Variants in PRKCB observed in about 807,000 individuals in gnomAD.
The protein encoded by PRKCB is protein kinase C beta.
PRKCB carries 13 observed loss-of-function variants against 81.5 expected under a neutral mutation model. That is an observed-to-expected ratio of 0.16 (90% CI 0.10 to 0.25). The LOEUF (loss-of-function observed/expected upper bound fraction) is 0.25. PRKCB is among the 10% of genes least tolerant of loss of function. The pLI, the probability that PRKCB is intolerant of heterozygous loss-of-function variation, is 1.00. For synonymous variants in PRKCB, 335 were observed against 321.4 expected (o/e 1.04, Z -0.45); for missense variants, 509 against 875.7 (o/e 0.58, Z 5.29).
intron 16 of PRKCB, among the ~76,000 whole-genome samples, chr16:24,213,499 G>C (rs1968178270): frequency 6.7e-6 from 1 of 149,924 alleles, no homozygotes; most frequent in Admixed American, 6.6e-5. Context: ...CCACTTCATA[G>C]GGCCATTGGG....
At chr16:24,020,983 T>TCTTTCTTTCTTTCTTTCTTC (rs1965355444) in intron 3 of PRKCB, among the ~76,000 whole-genome samples, 1 of 109,702 alleles carries the variant, frequency 9.1e-6, no homozygotes, top group South Asian at 3.2e-4. Flanking sequence ...TCTTTTTCTT[T>TCTTTCTTTCTTTCTTTCTTC]CTTTCTTTCT....
In PRKCB at chr16:24,013,647, T is replaced by G. The variant is rs992220166; in HGVS notation, c.289-18489T>G. On this transcript the variant is annotated intron_variant, in intron 3 of 16. Coordinates refer to ENST00000643927, the MANE Select transcript of PRKCB (RefSeq NM_002738.7). ...GATCTGTAAATCCCTGAAGGTGGGGTTGGCATCCGTTGTTTGATCACTCCA... is the reference window on the plus strand; with the variant it reads ...GATCTGTAAATCCCTGAAGGTGGGGGTGGCATCCGTTGTTTGATCACTCCA... 3.3e-5 allele frequency among the ~76,000 whole-genome samples: 5 copies of G among 152,252 alleles called. No individual in the cohort carries two copies. In the South Asian group the frequency reaches 1.0e-3, roughly 32 times the overall value.
At chr16:23,853,664 C>T (rs1337384457) in intron 2 of PRKCB, among the ~76,000 whole-genome samples, 8 of 152,190 alleles carry the variant, frequency 5.3e-5, no homozygotes, top group East Asian at 1.9e-4. Context: ...AAACTCTGGA[C>T]GTCTTTATCT....
chr16:23,968,403 A>G (rs1367529206), intron 2 of PRKCB, among the ~76,000 whole-genome samples: 2 of 152,202 alleles, frequency 1.3e-5, no homozygotes, highest in African/African-American at 4.8e-5. Flanking sequence ...TGTAAAGAGG[A>G]AGAAGCAAGC....
chr16:24,174,448 A>C lies in PRKCB; in HGVS notation c.1332-70A>C, dbSNP rs1055437974. 7.9e-6 allele frequency: 11 copies of C among 1,383,722 alleles called. No homozygotes were observed. The South Asian group carries it at 1.3e-4, about 17-fold the overall frequency. The allele number at this position is 1,383,722 out of a possible 1,614,324, so 85.7% of individuals were successfully genotyped here. A position where few individuals can be genotyped will look rare whatever the true frequency, so the allele number is the denominator to read the frequency against. On this transcript the variant is annotated intron_variant, in intron 11 of 16. Coordinates refer to ENST00000643927, the MANE Select transcript of PRKCB (RefSeq NM_002738.7). ...TACACCTAGTTCAATATTGTATTGA[A>C]TTCTGAGCATTGCCAAGCATATGGT...
At chr16:23,855,598 T>C (rs1962551455) in intron 2 of PRKCB, among the ~76,000 whole-genome samples, 1 of 152,250 alleles carries the variant, frequency 6.6e-6, no homozygotes, top group African/African-American at 2.4e-5. Flanking sequence ...GCTAGCATCA[T>C]TGATAAATTG....
At chr16:23,969,951 A>G (rs1157932014) in intron 2 of PRKCB, among the ~76,000 whole-genome samples, 1 of 152,176 alleles carries the variant, frequency 6.6e-6, no homozygotes, top group Non-Finnish European at 1.5e-5. Context: ...CTTGCCTGTC[A>G]TCCCACTACA....
chr16:23,897,794 C>T (rs1404739447), intron 2 of PRKCB, among the ~76,000 whole-genome samples: 1 of 152,156 alleles, frequency 6.6e-6, no homozygotes, highest in African/African-American at 2.4e-5. Flanking sequence ...GTCATTTGCC[C>T]TTTCTTCTGC....
chr16:23,915,620 A>G (rs1464940378), intron 2 of PRKCB, among the ~76,000 whole-genome samples: 1 of 129,362 alleles, frequency 7.7e-6, no homozygotes, highest in East Asian at 2.6e-4. Flanking sequence ...TGAGCCCAGG[A>G]GGTGGAGGCT....
intron 10 of PRKCB, among the ~76,000 whole-genome samples, chr16:24,158,210 A>G (rs1185999830): frequency 6.6e-6 from 1 of 152,218 alleles, no homozygotes; most frequent in Non-Finnish European, 1.5e-5. Flanking sequence ...CTCTGCGCAT[A>G]TGCTCATTGA....
chr16:24,082,902 A>G (rs889241349), intron 5 of PRKCB, among the ~76,000 whole-genome samples: 4 of 152,204 alleles, frequency 2.6e-5, no homozygotes, highest in African/African-American at 9.6e-5. Context: ...GAAACAAACT[A>G]TAAACTGGAA....
rs184252973 is a variant in PRKCB, at chr16:24,041,889, C to A, written c.529+6342C>A. Among the ~76,000 whole-genome samples the A allele has an allele frequency of 2.3e-3, 340 of 150,632 alleles. 1 individual carries two copies. Among genetic ancestry groups the A allele is most frequent in the African/African-American group, 7.8e-3 (320 of 40,966 alleles). ...ATCCCAGCTACTCAGGAGGCTGAGA[C>A]AGGAGAATCGCTTGGACCCAGGAGG... On this transcript the variant is annotated intron_variant, in intron 5 of 16. Transcript: ENST00000643927.
intron 5 of PRKCB, among the ~76,000 whole-genome samples, chr16:24,086,957 G>T (rs1386572011): frequency 6.6e-6 from 1 of 152,090 alleles, no homozygotes; most frequent in East Asian, 1.9e-4. Context: ...AACAGTAAAA[G>T]AAATTTCTGT....
chr16:23,977,512 A>C lies in PRKCB; in HGVS notation c.206-10996A>C, dbSNP rs78358255. On this transcript the variant is annotated intron_variant, in intron 2 of 16. Transcript: ENST00000643927. Reference sequence around the variant, plus strand: ...GAGAACTAGTGCTGTAGAATTGTATATGGGCAAAACAGCAGGGATCTAGAT... The same window carrying C: ...GAGAACTAGTGCTGTAGAATTGTATCTGGGCAAAACAGCAGGGATCTAGAT... 2.2e-4 allele frequency among the ~76,000 whole-genome samples: 34 copies of C among 152,098 alleles called. 1 individual carries two copies. Among genetic ancestry groups the C allele is most frequent in the Admixed American group, 2.0e-4 (3 of 15,272 alleles).
chr16:24,134,944 T>C (rs1966860049), intron 9 of PRKCB, among the ~76,000 whole-genome samples: 1 of 150,548 alleles, frequency 6.6e-6, no homozygotes, highest in Non-Finnish European at 1.5e-5. Context: ...ATGACATTTG[T>C]GGGTTTCTCC....
chr16:23,917,219 A>G (rs1260250065), intron 2 of PRKCB, among the ~76,000 whole-genome samples: 3 of 151,944 alleles, frequency 2.0e-5, no homozygotes, highest in African/African-American at 7.3e-5. Flanking sequence ...ACTAGCTGGG[A>G]TTACAGGTGT....
intron 2 of PRKCB, among the ~76,000 whole-genome samples, chr16:23,897,370 T>C (rs1339918908): frequency 1.3e-5 from 2 of 152,230 alleles, no homozygotes; most frequent in Non-Finnish European, 2.9e-5. Context: ...GCAAGGGCAT[T>C]TTGAATATAA....
chr16:23,837,399 G>C lies in PRKCB; in HGVS notation c.198G>C (p.Gln66His). ...FIWGFGKQGF[Q>H]CQVCCFVVHK... ...GGGGCTTCGGGAAGCAGGGATTCCA[G>C]TGCCAAGGTAGGCTCTGGGGCTTTG... is the stretch of plus-strand genomic sequence containing the variant. The change falls in exon 2 of 17, where the codon CAG (glutamine) becomes CAC (histidine). Residue 66 changes from glutamine (Q) to histidine (H), a missense_variant. Gln to His is a conservative substitution (Grantham distance 24, BLOSUM62 0). Coordinates refer to ENST00000643927, the MANE Select transcript of PRKCB (RefSeq NM_002738.7). 6.2e-7 allele frequency: 1 copy of C among 1,612,996 alleles called. No individual in the cohort carries two copies. The highest frequency in any genetic ancestry group is 8.5e-7 in the Non-Finnish European group (1 of 1,179,524).
chr16:23,864,423 C>G (rs1962737330), intron 2 of PRKCB, among the ~76,000 whole-genome samples: 1 of 152,174 alleles, frequency 6.6e-6, no homozygotes, highest in South Asian at 2.1e-4. Context: ...GAGAACTCAT[C>G]TTGAAAAGAA....
Sources: allele counts gnomAD v4.1 joint callset (sites outside exome capture counted in the v4.1 genomes callset), GRCh38; gene constraint gnomAD v4.1.1; transcripts MANE v1.5; gene names NCBI Gene and HGNC (gene_info 2026-07-23, HGNC 2026-07-21).